Variants in EIF3H observed in about 807,000 individuals in gnomAD.
EIF3H encodes eukaryotic translation initiation factor 3 subunit H, also known as eIF-3-gamma.
Under a neutral mutation model 44.2 loss-of-function variants are expected in EIF3H, and 26 were observed. The ratio of observed to expected loss-of-function variants is 0.59; its 90% CI spans 0.43 to 0.82. The LOEUF is 0.82. Among genes scored for constraint, EIF3H ranks in the 40% least tolerant of loss-of-function variants. The pLI, the probability that EIF3H is intolerant of heterozygous loss-of-function variation, is 0.00. For synonymous variants in EIF3H, 166 were observed against 151.9 expected, an observed-to-expected ratio of 1.09 and a Z score of -0.68; for missense variants, 359 against 432.8, an observed-to-expected ratio of 0.83 and a Z score of 1.51.
At chr8:116,657,429 C>A in intron 3 of EIF3H, 115 bp from the exon 4 acceptor site, 3 of 738,674 alleles carry the variant, frequency 4.1e-6, no homozygotes, top group East Asian at 5.4e-5. Flanking sequence ...AAATAAAGAT[C>A]AAAATAAACA....
chr8:116,686,967 C>T (rs1315943351), intron 2 of EIF3H, among the ~76,000 whole-genome samples: 1 of 152,046 alleles, frequency 6.6e-6, no homozygotes, highest in African/African-American at 2.4e-5. Flanking sequence ...CTCAAAGGGC[C>T]ACAGGCCAGG....
chr8:116,654,400 ATGCTCAATAAAGGCAG>A (rs1813453377), intron 5 of EIF3H, among the ~76,000 whole-genome samples: 1 of 152,372 alleles, frequency 6.6e-6, no homozygotes, highest in East Asian at 1.9e-4. Context: ...TTTCTTTTGT[ATGCTCAATAAAGGCAG>A]CCTGGGAAAA....
intron 1 of EIF3H, among the ~76,000 whole-genome samples, chr8:116,735,799 A>AG (rs750871863): frequency 1.2e-4 from 18 of 150,586 alleles, no homozygotes; most frequent in Admixed American, 2.6e-4. Context: ...TTGGGCATGC[A>AG]GAAAAAAAAA....
chr8:116,659,671 A>G (rs1053302392), intron 2 of EIF3H, among the ~76,000 whole-genome samples: 2 of 152,224 alleles, frequency 1.3e-5, no homozygotes, highest in Admixed American at 6.5e-5. Flanking sequence ...GAAAAGGTTT[A>G]GTGACTTTTA....
At position 116,657,201 on chromosome 8, in the gene EIF3H, C is replaced by T. The variant is rs1323268453; in HGVS notation, c.557+14G>A. On this transcript the variant is annotated intron_variant, in intron 4 of 7. Coordinates refer to ENST00000521861, the MANE Select transcript of EIF3H (RefSeq NM_003756.3). ...AAATACCCAACCCTTTACCAGATGC[C>T]CCCAAACACTTACGCTTCAGGGGAA... 6.2e-7 allele frequency: 1 copy of T among 1,601,834 alleles called. No homozygotes were observed. The highest frequency in any genetic ancestry group is 1.7e-5 in the Admixed American group (1 of 59,938).
chr8:116,704,568 A>C (rs1256430071), intron 2 of EIF3H, among the ~76,000 whole-genome samples: 1 of 152,184 alleles, frequency 6.6e-6, no homozygotes, highest in Admixed American at 6.5e-5. Flanking sequence ...CTAAAAGTAA[A>C]ATCTTCATGT....
chr8:116,684,700 T>C (rs1021982534), intron 2 of EIF3H, among the ~76,000 whole-genome samples: 12 of 152,242 alleles, frequency 7.9e-5, no homozygotes, highest in South Asian at 2.1e-4. Context: ...TTGAAGGAAA[T>C]AGATAAGAAA....
chr8:116,672,860 T>C (rs1010132359), intron 2 of EIF3H, among the ~76,000 whole-genome samples: 47 of 152,142 alleles, frequency 3.1e-4, no homozygotes, highest in African/African-American at 1.1e-3. Flanking sequence ...CTTTAAATTT[T>C]ATTCCAGACA....
rs1467052943 is a variant in EIF3H, at chr8:116,645,047, T to G, written c.1018A>C (p.Lys340Gln). 6.2e-7 allele frequency: 1 copy of G among 1,614,078 alleles called. No individual in the cohort carries two copies. Among genetic ancestry groups the G allele is most frequent in the Non-Finnish European group, 8.5e-7 (1 of 1,180,020 alleles). The change falls in exon 8 of 8, where the codon AAG becomes CAG. Residue 340 changes from lysine (K) to glutamine (Q), a missense_variant. Transcript: ENST00000521861. ...TGAAGAGCCTGGGCCATGAAGAGCTTGCCTAAGTTTTGGGCAGTGAACTCC... is the reference window on the plus strand; with the variant it reads ...TGAAGAGCCTGGGCCATGAAGAGCTGGCCTAAGTTTTGGGCAGTGAACTCC... ...IKEFTAQNLGKLFMAQALQEY... is the reference protein window; with the variant it reads ...IKEFTAQNLGQLFMAQALQEY...
intron 2 of EIF3H, among the ~76,000 whole-genome samples, chr8:116,712,496 CTT>C (rs1456323873): frequency 2.0e-5 from 3 of 152,146 alleles, no homozygotes; most frequent in Non-Finnish European, 4.4e-5. Flanking sequence ...TACATTATTA[CTT>C]AAAGTCAAAA....
upstream of EIF3H, among the ~76,000 whole-genome samples, chr8:116,756,676 G>A (rs1815455475): frequency 1.3e-5 from 2 of 152,098 alleles, no homozygotes; most frequent in Non-Finnish European, 2.9e-5. Context: ...GTTTTTTGTT[G>A]TTTTGTCATT....
chr8:116,709,100 C>T (rs765884615), intron 2 of EIF3H, among the ~76,000 whole-genome samples: 12 of 151,882 alleles, frequency 7.9e-5, no homozygotes, highest in Non-Finnish European at 1.6e-4. Flanking sequence ...TGAAATAATA[C>T]TGTGATCAAA....
chr8:116,670,532 C>T (rs1813735180), intron 2 of EIF3H, among the ~76,000 whole-genome samples: 1 of 152,196 alleles, frequency 6.6e-6, no homozygotes, highest in African/African-American at 2.4e-5. Flanking sequence ...ATGGAGGCTT[C>T]ACCTAACTAC....
intron 1 of EIF3H, among the ~76,000 whole-genome samples, chr8:116,750,072 T>G (rs1815302155): frequency 6.6e-6 from 1 of 152,304 alleles, no homozygotes; most frequent in African/African-American, 2.4e-5. Context: ...GAGTCGGGAC[T>G]GGGTTCTACC....
upstream of EIF3H, among the ~76,000 whole-genome samples, chr8:116,758,101 T>C (rs1255019739): frequency 6.6e-6 from 1 of 152,198 alleles, no homozygotes; most frequent in Non-Finnish European, 1.5e-5. Context: ...GATCTATCCA[T>C]AGGCTATCTA....
rs892754940 is a variant in EIF3H at position 116,643,201 on chromosome 8, C to G, written c.*1805G>C. On this transcript the variant is annotated 3_prime_UTR_variant, in exon 8 of 8. Coordinates refer to ENST00000521861, the MANE Select transcript of EIF3H (RefSeq NM_003756.3). ...GGCCAGTTTTACCTGTTAATATATC[C>G]CTTCTGTCTAACACAGTCACACTCA... The G allele has an allele frequency of 9.9e-5, 15 of 152,202 alleles. 1 individual carries two copies. Among genetic ancestry groups the G allele is most frequent in the Non-Finnish European group, 8.8e-5 (6 of 68,030 alleles). The allele number at this position is 152,202 out of a possible 1,614,324, so 9.4% of individuals were successfully genotyped here.
chr8:116,691,326 C>G (rs1232827969), intron 2 of EIF3H, among the ~76,000 whole-genome samples: 1 of 152,158 alleles, frequency 6.6e-6, no homozygotes, highest in Non-Finnish European at 1.5e-5. Flanking sequence ...TTGACTCACT[C>G]CCCAAGCTCC....
intron 6 of EIF3H, 89 bp downstream of exon 6, chr8:116,648,717 C>T (rs1813344113): frequency 2.8e-6 from 4 of 1,420,760 alleles, no homozygotes; most frequent in Non-Finnish European, 3.7e-6. Context: ...AATAATTTAC[C>T]AAAGATAATT....
intron 2 of EIF3H, among the ~76,000 whole-genome samples, chr8:116,706,438 G>A (rs985405124): frequency 6.6e-6 from 1 of 152,054 alleles, no homozygotes; most frequent in Non-Finnish European, 1.5e-5. Flanking sequence ...CCATTCCAGG[G>A]ACTCTCCAAA....
Sources: allele counts gnomAD v4.1 joint callset (sites outside exome capture counted in the v4.1 genomes callset), GRCh38; gene constraint gnomAD v4.1.1; transcripts MANE v1.5; gene names NCBI Gene and HGNC (gene_info 2026-07-23, HGNC 2026-07-21).